Variants in ATG16L2 observed in about 807,000 individuals in gnomAD.
The protein encoded by ATG16L2 is protein Atg16l2.
In ATG16L2, 77 loss-of-function variants were observed where a neutral mutation model predicts 84.7. The observed-to-expected ratio is 0.91, with a 90% CI of 0.76 to 1.10. The LOEUF is 1.10. ATG16L2 is among the 50% of genes least tolerant of loss of function. The pLI, the probability that ATG16L2 is intolerant of heterozygous loss-of-function variation, is 0.00. For missense variants in ATG16L2, 782 were observed against 817.6 expected (o/e 0.96, Z 0.53); for synonymous variants, 361 against 342.8 (o/e 1.05, Z -0.59).
intron 3 of ATG16L2, 150 bp from the exon 4 acceptor site, chr11:72,821,518 T>A (rs746748548): frequency 1.4e-6 from 2 of 1,442,464 alleles, no homozygotes. Flanking sequence ...CGCGTCCCTG[T>A]GCAAGGTCCC....
rs11235604 is a variant in ATG16L2 at position 72,822,491 on chromosome 11, C to T, written c.658C>T (p.Arg220Trp). 2.8e-3 allele frequency: 4,482 copies of T among 1,612,914 alleles called. 216 individuals are homozygous for T. The East Asian group carries it at 0.094, about 34-fold the overall frequency. ...NERRERAKQA[R>W]VSQELKKAAK... The stretch of plus-strand genomic sequence containing the variant: ...TTACCCAACAAGGGCCAAGCAGGCG[C>T]GGGTGTCCCAGGAGCTGAAGAAGGC... The change falls in exon 6 of 18, where the codon CGG (arginine) becomes TGG (tryptophan). Residue 220 changes from arginine to tryptophan, a missense_variant. Coordinates refer to ENST00000321297, the MANE Select transcript of ATG16L2 (RefSeq NM_033388.2). The surrounding 1 kb of genome is among the most constrained non-coding windows in gnomAD (Gnocchi z 4.2).
intron 5 of ATG16L2, chr11:72,841,017 T>A: frequency 7.6e-7 from 1 of 1,309,156 alleles, no homozygotes; most frequent in Non-Finnish European, 1.1e-6. Context: ...ATAATGCTGA[T>A]GCAAGGCTGG....
chr11:72,834,452 A>G (rs1860674275), downstream of ATG16L2, among the ~76,000 whole-genome samples: 1 of 152,202 alleles, frequency 6.6e-6, no homozygotes, highest in Non-Finnish European at 1.5e-5. Context: ...CTTGCCATCC[A>G]AAGAAGTCTG....
Position 72,822,196 on chromosome 11 carries a change from G to A in ATG16L2, c.545G>A (p.Arg182His). ...AHVGLREAAL[R>H]RLQEEARDLL... ...GTCGGGCTCCGGGAGGCGGCACTGCGCAGGCTCCAGGAAGAGGCGCGCGAC... is the reference window on the plus strand; with the variant it reads ...GTCGGGCTCCGGGAGGCGGCACTGCACAGGCTCCAGGAAGAGGCGCGCGAC... Residue 182 changes from arginine to histidine, a missense_variant, in exon 5 of 18, where the codon CGC (arginine) becomes CAC (histidine). Coordinates refer to ENST00000321297, the MANE Select transcript of ATG16L2 (RefSeq NM_033388.2). The surrounding 1 kb of genome is among the most constrained non-coding windows in gnomAD (Gnocchi z 4.2). 1 of 1,504,564 alleles carries A rather than the reference G, an allele frequency of 6.6e-7. No homozygotes were observed. Among genetic ancestry groups the A allele is most frequent in the African/African-American group, 1.4e-5 (1 of 69,302 alleles). The allele number at this position is 1,504,564 out of a possible 1,614,324, so 93.2% of individuals were successfully genotyped here. A position where few individuals can be genotyped will look rare whatever the true frequency, so the allele number is the denominator to read the frequency against.
At chr11:72,842,845 G>C in exon 6 of ATG16L2, 1 of 1,610,354 alleles carries the variant, frequency 6.2e-7, no homozygotes, top group Non-Finnish European at 8.5e-7. Context: ...AAACATACTA[G>C]GGAGCAAGAG....
At chr11:72,828,537 G>T in intron 15 of ATG16L2, 29 bp downstream of exon 15, 1 of 1,613,700 alleles carries the variant, frequency 6.2e-7, no homozygotes, top group Non-Finnish European at 8.5e-7. Flanking sequence ...CTGACCCTGT[G>T]GCCTTTGCTG....
intron 1 of ATG16L2, among the ~76,000 whole-genome samples, chr11:72,815,048 G>T (rs918070596): frequency 2.0e-5 from 3 of 152,238 alleles, no homozygotes; most frequent in African/African-American, 7.2e-5. Flanking sequence ...CCGCTGACAG[G>T]CGACGCTGGC....
At position 72,824,841 on chromosome 11, in the gene ATG16L2, T is replaced by TCA; in HGVS notation, c.995_996insCA (p.Asp333ArgfsTer28). 2 of 1,584,444 alleles carry TCA rather than the reference T, an allele frequency of 1.3e-6. No homozygotes were observed. Among genetic ancestry groups the TCA allele is most frequent in the Non-Finnish European group, 1.7e-6 (2 of 1,165,372 alleles). ...CTTCCTACCCGGGCTCAGGATGTGC[T>TCA]GGTAAGGGAGGAGCTGAGCCACATG... On this transcript the variant is annotated frameshift_variant and splice_region_variant, in exon 9 of 18. Transcript: ENST00000321297. LOFTEE classifies it high-confidence loss of function.
chr11:72,824,606 C>A, intron 8 of ATG16L2, 128 bp from the exon 9 acceptor site: 1 of 731,938 alleles, frequency 1.4e-6, no homozygotes, highest in Non-Finnish European at 2.4e-6. Context: ...GCTCTCGCTG[C>A]TCCTTGGGGC....
At position 72,822,731 on chromosome 11, in the gene ATG16L2, G is replaced by A; in HGVS notation, c.711-117G>A. On this transcript the variant is annotated intron_variant, in intron 6 of 17. Coordinates refer to ENST00000321297, the MANE Select transcript of ATG16L2 (RefSeq NM_033388.2). This position sits in a 1 kb window ranked among gnomAD's most constrained non-coding sequence, Gnocchi z 4.2. The stretch of plus-strand genomic sequence containing the variant: ...GCCTGCATGCGTGACCGCTGCACGT[G>A]TACACCCACACAGAACCCTCATCAC... The A allele has an allele frequency of 9.8e-7, 1 of 1,025,266 alleles. No homozygotes were observed. The highest frequency in any genetic ancestry group is 1.4e-6 in the Non-Finnish European group (1 of 700,204). 63.5% of individuals were successfully genotyped at this position (1,025,266 alleles called of 1,614,324 possible). A position where few individuals can be genotyped will look rare whatever the true frequency, so the allele number is the denominator to read the frequency against.
In ATG16L2 at chr11:72,822,410, A is replaced by C. The variant is rs768228056; in HGVS notation, c.645-68A>C. ...CAGCAGCCGCCCCCTGGAGGAAGGGACCGGGTCTAGCCCCGCCTGCGTGCG... is the reference window on the plus strand; with the variant it reads ...CAGCAGCCGCCCCCTGGAGGAAGGGCCCGGGTCTAGCCCCGCCTGCGTGCG... On this transcript the variant is annotated intron_variant, in intron 5 of 17. Coordinates refer to ENST00000321297, the MANE Select transcript of ATG16L2 (RefSeq NM_033388.2). This position sits in a 1 kb window ranked among gnomAD's most constrained non-coding sequence, Gnocchi z 4.2. 1.3e-5 allele frequency: 20 copies of C among 1,596,606 alleles called. No homozygotes were observed. The highest frequency in any genetic ancestry group is 1.5e-5 in the Non-Finnish European group (18 of 1,175,458).
In ATG16L2 at chr11:72,823,951, T is replaced by C. The variant is rs542823542; in HGVS notation, c.825-109T>C. 7.2e-5 allele frequency: 88 copies of C among 1,228,268 alleles called. 1 individual carries two copies. In the South Asian group the frequency reaches 1.0e-3, roughly 14 times the overall value. 76.1% of individuals were successfully genotyped at this position (1,228,268 alleles called of 1,614,324 possible). ...GAGAAGTCAAGTTCTTATCCCAGACTTGAGAGGTTACAAGCCTCCAGGTCT... is the reference window on the plus strand; with the variant it reads ...GAGAAGTCAAGTTCTTATCCCAGACCTGAGAGGTTACAAGCCTCCAGGTCT... On this transcript the variant is annotated intron_variant, in intron 7 of 17. Transcript: ENST00000321297.
In ATG16L2 at chr11:72,823,456, C is replaced by T. The variant is rs900811359; in HGVS notation, c.824+495C>T. On this transcript the variant is annotated intron_variant, in intron 7 of 17. Transcript: ENST00000321297. ...GGGCTTCAGACCTTGGGTGCCTGTCCGCAGGGTCTCCTCCATCCTTCTTGA... is the reference window on the plus strand; with the variant it reads ...GGGCTTCAGACCTTGGGTGCCTGTCTGCAGGGTCTCCTCCATCCTTCTTGA... 1.7e-5 allele frequency: 6 copies of T among 355,898 alleles called. 1 individual carries two copies. The highest frequency in any genetic ancestry group is 3.8e-4 in the Middle Eastern group (1 of 2,610). 22.0% of individuals were successfully genotyped at this position (355,898 alleles called of 1,614,324 possible). A position where few individuals can be genotyped will look rare whatever the true frequency, so the allele number is the denominator to read the frequency against.
downstream of ATG16L2, among the ~76,000 whole-genome samples, chr11:72,833,932 A>T (rs78333957): frequency 3.0e-4 from 44 of 146,840 alleles, no homozygotes; most frequent in South Asian, 8.6e-4. Flanking sequence ...AAAAAAAAAA[A>T]TTTTTTTTTT....
At chr11:72,838,778 G>T (rs1178240717) in intron 5 of ATG16L2, 2 of 1,589,182 alleles carry the variant, frequency 1.3e-6, no homozygotes, top group Admixed American at 1.8e-5. Context: ...GTAATGGATG[G>T]GCAAGCCCAT....
intron 3 of ATG16L2, among the ~76,000 whole-genome samples, chr11:72,820,758 G>T (rs1363792864): frequency 1.3e-5 from 2 of 152,060 alleles, no homozygotes; most frequent in Non-Finnish European, 2.9e-5. Flanking sequence ...GGCCAGAGGC[G>T]CCTCTGGCCC....
At chr11:72,835,444 GGTGGTGAGAAGAGTTC>G (rs1230422439) in intron 5 of ATG16L2, among the ~76,000 whole-genome samples, 10 of 145,622 alleles carry the variant, frequency 6.9e-5, no homozygotes, top group Non-Finnish European at 1.1e-4. Context: ...GAGGAGAGGT[GGTGGTGAGAAGAGTTC>G]GTGGTGACCA....
chr11:72,835,150 T>C (rs759643947), intron 5 of ATG16L2, among the ~76,000 whole-genome samples: 1 of 152,214 alleles, frequency 6.6e-6, no homozygotes, highest in Non-Finnish European at 1.5e-5. Flanking sequence ...TAGCTGAGCT[T>C]TGCCCTTGGT....
At chr11:72,841,617 C>A (rs757235088) in intron 5 of ATG16L2, 3 of 1,559,574 alleles carry the variant, frequency 1.9e-6, no homozygotes, top group Admixed American at 2.0e-5. Flanking sequence ...ACCCGGTGCT[C>A]CCCTCCAGGA....
Sources: gnomAD v4.1 joint callset for allele counts (sites outside exome capture counted in the v4.1 genomes callset) on GRCh38, gnomAD v4.1.1 for gene constraint, Gnocchi (gnomAD v3.1) non-coding constraint, MANE v1.5 for transcripts, NCBI Gene and HGNC (gene_info 2026-07-23, HGNC 2026-07-21) for gene names.